The following CDH12 variants were observed in gnomAD, a reference collection of about 807,000 sequenced individuals.
The protein encoded by CDH12 is cadherin 12, also known as cadherin-12.
Under a neutral mutation model 74.1 loss-of-function variants are expected in CDH12, and 41 were observed. The ratio of observed to expected loss-of-function variants is 0.55; its 90% CI spans 0.43 to 0.72. CDH12 has a LOEUF of 0.72. Among genes scored for constraint, CDH12 ranks in the 30% least tolerant of loss-of-function variants. The pLI is 0.00. For missense variants in CDH12, 945 were observed against 977.2 expected, an observed-to-expected ratio of 0.97 and a Z score of 0.44; for synonymous variants, 399 against 355.0, an observed-to-expected ratio of 1.12 and a Z score of -1.39.
chr5:21,986,771 A>G (rs1192649030), intron 5 of CDH12, among the ~76,000 whole-genome samples: 2 of 152,124 alleles, frequency 1.3e-5, no homozygotes, highest in Non-Finnish European at 2.9e-5. Context: ...ATAACAATAC[A>G]TTACTATAGT....
At chr5:21,996,446 G>C (rs1473476323) in intron 5 of CDH12, among the ~76,000 whole-genome samples, 4 of 152,172 alleles carry the variant, frequency 2.6e-5, no homozygotes, top group African/African-American at 9.6e-5. Flanking sequence ...CTTCCTTAGA[G>C]AACATTGTTT....
chr5:21,769,140 G>A (rs1424061029), intron 11 of CDH12, among the ~76,000 whole-genome samples: 6 of 152,024 alleles, frequency 3.9e-5, no homozygotes, highest in Non-Finnish European at 7.4e-5. Context: ...GTATGTCTGT[G>A]AGAAACTAAT....
intron 3 of CDH12, among the ~76,000 whole-genome samples, chr5:22,250,095 A>G (rs72742049): frequency 0.094 from 14,254 of 152,158 alleles, 699 homozygotes; most frequent in South Asian, 0.16. Context: ...GGGATCTGGA[A>G]AAGCATGGTG....
At position 22,078,822 on chromosome 5, in the gene CDH12, A is replaced by C. The variant is rs1174804002; in HGVS notation, c.-146T>G. The stretch of plus-strand genomic sequence containing the variant: ...GATGATGCAGGCATTAATCCTTTTG[A>C]TGAAAAGGCTTCTGCTGTATTATAT... On this transcript the variant is annotated 5_prime_UTR_variant, in exon 5 of 15. Coordinates refer to ENST00000382254, the MANE Select transcript of CDH12 (RefSeq NM_004061.5). 62 of 1,432,566 alleles carry C rather than the reference A, an allele frequency of 4.3e-5. No homozygotes were observed. Among genetic ancestry groups the C allele is most frequent in the Non-Finnish European group, 4.9e-5 (54 of 1,097,422 alleles). 88.7% of individuals were successfully genotyped at this position (1,432,566 alleles called of 1,614,324 possible). A position where few individuals can be genotyped will look rare whatever the true frequency, so the allele number is the denominator to read the frequency against.
At chr5:22,284,490 G>A (rs1158459620) in intron 3 of CDH12, among the ~76,000 whole-genome samples, 1 of 152,112 alleles carries the variant, frequency 6.6e-6, no homozygotes, top group African/African-American at 2.4e-5. Context: ...AAGGGTACCA[G>A]TTTCTACCTG....
chr5:22,146,180 C>G (rs887713388), intron 4 of CDH12, among the ~76,000 whole-genome samples: 6 of 151,868 alleles, frequency 4.0e-5, no homozygotes, highest in Admixed American at 3.9e-4. Flanking sequence ...CTCTTAGTAG[C>G]CATCATAATA....
At chr5:22,431,394 G>T (rs1049274411) in intron 2 of CDH12, among the ~76,000 whole-genome samples, 1 of 152,102 alleles carries the variant, frequency 6.6e-6, no homozygotes, top group Non-Finnish European at 1.5e-5. Flanking sequence ...TGGCGATGCT[G>T]GTGTAAACAA....
intron 2 of CDH12, among the ~76,000 whole-genome samples, chr5:22,427,374 G>A (rs1475682836): frequency 6.6e-6 from 1 of 152,010 alleles, no homozygotes; most frequent in Non-Finnish European, 1.5e-5. Flanking sequence ...CACCACGTTG[G>A]CCAGGCTGGT....
chr5:22,572,800 G>C (rs897097378), intron 1 of CDH12, among the ~76,000 whole-genome samples: 1 of 152,054 alleles, frequency 6.6e-6, no homozygotes, highest in East Asian at 1.9e-4. Context: ...ATTCTATTGA[G>C]TGTTCTATTA....
At chr5:21,798,248 GAT>G (rs1491215460) in intron 10 of CDH12, among the ~76,000 whole-genome samples, 1 of 86,386 alleles carries the variant, frequency 1.2e-5, no homozygotes, top group Non-Finnish European at 2.7e-5. Context: ...TGTATATGTG[GAT>G]GTGTGTGTGT....
At chr5:21,973,254 T>G (rs973444692) in intron 6 of CDH12, among the ~76,000 whole-genome samples, 2 of 151,986 alleles carry the variant, frequency 1.3e-5, no homozygotes, top group African/African-American at 4.8e-5. Flanking sequence ...GAAAATCAAT[T>G]TAAGTATTTA....
chr5:21,972,101 T>C (rs1756877510), intron 6 of CDH12, among the ~76,000 whole-genome samples: 1 of 152,222 alleles, frequency 6.6e-6, no homozygotes, highest in Admixed American at 6.6e-5. Context: ...GTAATATTAG[T>C]AAATTTTCAT....
At chr5:22,052,719 T>C (rs984522712) in intron 5 of CDH12, among the ~76,000 whole-genome samples, 1 of 152,182 alleles carries the variant, frequency 6.6e-6, no homozygotes, top group African/African-American at 2.4e-5. Context: ...TAAAGCATTA[T>C]GGAGTCTCTT....
chr5:21,770,739 T>C (rs116046670), intron 11 of CDH12, among the ~76,000 whole-genome samples: 253 of 152,290 alleles, frequency 1.7e-3, no homozygotes, highest in African/African-American at 5.9e-3. Context: ...TAAATTGTTG[T>C]ACCATAAGGA....
chr5:22,614,770 T>A lies in CDH12; in HGVS notation c.-522-109406A>T, dbSNP rs73062245. On this transcript the variant is annotated intron_variant, in intron 1 of 14. Coordinates refer to ENST00000382254, the MANE Select transcript of CDH12 (RefSeq NM_004061.5). ...AATATGTTCCAATATCCCCAGTGGATGCCTAAAATCTTGGATAGCACTGAA... is the reference window on the plus strand; with the variant it reads ...AATATGTTCCAATATCCCCAGTGGAAGCCTAAAATCTTGGATAGCACTGAA... Among the ~76,000 whole-genome samples the A allele has an allele frequency of 9.9e-3, 1,500 of 152,232 alleles. 16 individuals are homozygous for A. The highest frequency in any genetic ancestry group is 0.034 in the African/African-American group (1,398 of 41,548).
intron 1 of CDH12, among the ~76,000 whole-genome samples, chr5:22,803,517 A>C (rs892823684): frequency 6.6e-6 from 1 of 152,270 alleles, no homozygotes; most frequent in East Asian, 1.9e-4. Flanking sequence ...TCAGACTCCA[A>C]GTTTTTGGTG....
intron 4 of CDH12, among the ~76,000 whole-genome samples, chr5:22,188,423 T>C (rs1047195241): frequency 6.6e-6 from 1 of 151,960 alleles, no homozygotes; most frequent in Non-Finnish European, 1.5e-5. Flanking sequence ...TCTTTACTAA[T>C]TACCCAGTCA....
At chr5:22,301,759 G>A (rs1737892425) in intron 3 of CDH12, among the ~76,000 whole-genome samples, 1 of 151,784 alleles carries the variant, frequency 6.6e-6, no homozygotes, top group Admixed American at 6.6e-5. Flanking sequence ...AGCCTCCCAA[G>A]TAGCTGGAAC....
At chr5:21,801,181 T>A (rs1332589267) in intron 10 of CDH12, among the ~76,000 whole-genome samples, 1 of 152,214 alleles carries the variant, frequency 6.6e-6, no homozygotes, top group Non-Finnish European at 1.5e-5. Flanking sequence ...AATTACTGTG[T>A]TAAGGATACT....
Sources: gnomAD v4.1 joint callset for allele counts (sites outside exome capture counted in the v4.1 genomes callset) on GRCh38, gnomAD v4.1.1 for gene constraint, MANE v1.5 for transcripts, NCBI Gene and HGNC (gene_info 2026-07-23, HGNC 2026-07-21) for gene names.